DNM3: variants seen among roughly 807,000 people sequenced by gnomAD.
DNM3 encodes the protein dynamin 3, also known as dynamin-3.
A neutral mutation model predicts 101.6 loss-of-function variants in DNM3; 47 were observed. The ratio of observed to expected loss-of-function variants is 0.46; its 90% CI spans 0.37 to 0.59. DNM3 has a LOEUF of 0.59. Ranked by LOEUF, DNM3 falls within the 20% of genes least tolerant of loss-of-function variation. The pLI, the probability that DNM3 is intolerant of heterozygous loss-of-function variation, is 0.00. For synonymous variants in DNM3, 385 were observed against 387.9 expected, an observed-to-expected ratio of 0.99 and a Z score of 0.09; for missense variants, 849 against 1,085.7, an observed-to-expected ratio of 0.78 and a Z score of 3.06.
intron 1 of DNM3, among the ~76,000 whole-genome samples, chr1:171,852,099 A>G (rs1298105147): frequency 6.6e-6 from 1 of 152,220 alleles, no homozygotes; most frequent in Non-Finnish European, 1.5e-5. Context: ...TATTAATTTA[A>G]AAAAGCTGTC....
At chr1:172,401,556 A>G (rs371378240) in intron 20 of DNM3, among the ~76,000 whole-genome samples, 30 of 152,296 alleles carry the variant, frequency 2.0e-4, no homozygotes, top group East Asian at 1.4e-3. Flanking sequence ...TATTTTCCCA[A>G]TGACATACAT....
chr1:171,883,565 G>C, intron 1 of DNM3, among the ~76,000 whole-genome samples: 1 of 151,438 alleles, frequency 6.6e-6, no homozygotes, highest in Non-Finnish European at 1.5e-5. Flanking sequence ...TCCGCCTCCC[G>C]GGTTCAAGTG....
intron 14 of DNM3, among the ~76,000 whole-genome samples, chr1:172,159,355 C>T (rs770469400): frequency 6.6e-6 from 1 of 152,010 alleles, no homozygotes; most frequent in Non-Finnish European, 1.5e-5. Flanking sequence ...GTTTCTGCTA[C>T]AGCAAGTTCA....
At chr1:172,348,421 T>C (rs1243213426) in intron 17 of DNM3, among the ~76,000 whole-genome samples, 2 of 152,146 alleles carry the variant, frequency 1.3e-5, no homozygotes, top group Non-Finnish European at 2.9e-5. Flanking sequence ...CTAGGTCACC[T>C]ACAAAGGAGT....
At chr1:172,122,451 T>G (rs1470495823) in intron 13 of DNM3, among the ~76,000 whole-genome samples, 1 of 152,178 alleles carries the variant, frequency 6.6e-6, no homozygotes, top group Non-Finnish European at 1.5e-5. Flanking sequence ...TGACCCAATG[T>G]CACCCAGGCA....
intron 15 of DNM3, among the ~76,000 whole-genome samples, chr1:172,267,690 A>G (rs2062917812): frequency 6.6e-6 from 1 of 152,016 alleles, no homozygotes; most frequent in African/African-American, 2.4e-5. Context: ...GTTCTAGCAA[A>G]GTATTGACAA....
chr1:171,994,690 GT>G (rs1368811002), intron 4 of DNM3, among the ~76,000 whole-genome samples: 4 of 149,674 alleles, frequency 2.7e-5, no homozygotes, highest in South Asian at 4.2e-4. Flanking sequence ...TTCCTTTTAA[GT>G]TTTTTGGTTA....
chr1:172,201,590 G>A (rs1161535272), intron 14 of DNM3, among the ~76,000 whole-genome samples: 1 of 152,214 alleles, frequency 6.6e-6, no homozygotes, highest in Non-Finnish European at 1.5e-5. Flanking sequence ...GGGACCCATG[G>A]GAGATGGATT....
chr1:171,893,573 C>T (rs2037490251), intron 1 of DNM3, among the ~76,000 whole-genome samples: 1 of 152,020 alleles, frequency 6.6e-6, no homozygotes. Flanking sequence ...TCCACCTCAG[C>T]CTCCCAAATA....
intron 2 of DNM3, among the ~76,000 whole-genome samples, chr1:171,966,454 G>A (rs547828613): frequency 6.6e-6 from 1 of 152,360 alleles, no homozygotes; most frequent in African/African-American, 2.4e-5. Context: ...ATTCTCAGAA[G>A]TGTTAAGGGG....
At chr1:172,154,718 A>G (rs865800879) in intron 14 of DNM3, among the ~76,000 whole-genome samples, 16 of 152,086 alleles carry the variant, frequency 1.1e-4, no homozygotes, top group Admixed American at 9.2e-4. Context: ...GTCTTCTAGT[A>G]TTAGCTATCT....
At chr1:172,155,576 C>G (rs1389437794) in intron 14 of DNM3, among the ~76,000 whole-genome samples, 2 of 152,002 alleles carry the variant, frequency 1.3e-5, no homozygotes, top group Non-Finnish European at 2.9e-5. Flanking sequence ...ACACTCAGAG[C>G]CAAGGGGCTT....
intron 15 of DNM3, among the ~76,000 whole-genome samples, chr1:172,282,529 C>A (rs937353023): frequency 1.3e-5 from 2 of 152,102 alleles, no homozygotes; most frequent in African/African-American, 4.8e-5. Context: ...TCCATCACAT[C>A]ATACTAATTC....
rs182608543 is a variant in DNM3, at chr1:172,285,906, G to A, written c.1770-22822G>A. ...AGAGCTCGCATCTAACTCCCTCTGG[G>A]TGTTTGTGGGATAACATGAATCTGC... On this transcript the variant is annotated intron_variant, in intron 15 of 20. Transcript: ENST00000627582. 1.6e-4 allele frequency among the ~76,000 whole-genome samples: 25 copies of A among 152,168 alleles called. No homozygotes were observed. In the East Asian group the frequency reaches 4.5e-3, roughly 27 times the overall value.
In DNM3 at chr1:171,841,648, T is replaced by A. The variant is rs1258391321; in HGVS notation, c.-9T>A. 7 of 1,607,734 alleles carry A rather than the reference T, an allele frequency of 4.4e-6. No individual in the cohort carries two copies. The highest frequency in any genetic ancestry group is 5.9e-6 in the Non-Finnish European group (7 of 1,177,798). On this transcript the variant is annotated 5_prime_UTR_variant, in exon 1 of 21. Coordinates refer to ENST00000627582, the MANE Select transcript of DNM3 (RefSeq NM_015569.5). The stretch of plus-strand genomic sequence containing the variant: ...CAGGGACCAGCTGGTCGCCGGCCCC[T>A]CGGGCAAGATGGGGAACCGGGAGAT...
At chr1:171,881,922 C>T (rs1011426560) in intron 1 of DNM3, among the ~76,000 whole-genome samples, 1 of 152,120 alleles carries the variant, frequency 6.6e-6, no homozygotes, top group Admixed American at 6.6e-5. Flanking sequence ...CCTAGAATTT[C>T]TTTTAAAATA....
chr1:171,987,576 A>T, intron 2 of DNM3, 80 bp from the exon 3 acceptor site: 1 of 1,374,922 alleles, frequency 7.3e-7, no homozygotes, highest in Non-Finnish European at 9.7e-7. Context: ...GGATACTTTG[A>T]CTTATAATTA....
At chr1:172,198,075 A>G (rs996251311) in intron 14 of DNM3, among the ~76,000 whole-genome samples, 4 of 152,034 alleles carry the variant, frequency 2.6e-5, no homozygotes, top group African/African-American at 4.8e-5. Flanking sequence ...GTTTTGAGGT[A>G]TGTCCTTCAA....
intron 15 of DNM3, among the ~76,000 whole-genome samples, chr1:172,303,754 C>T (rs923613846): frequency 2.0e-5 from 3 of 152,102 alleles, no homozygotes; most frequent in African/African-American, 7.2e-5. Context: ...AATTTTCAAC[C>T]CAGAATTTCA....
Sources: gnomAD v4.1 joint callset for allele counts (sites outside exome capture counted in the v4.1 genomes callset) on GRCh38, gnomAD v4.1.1 for gene constraint, MANE v1.5 for transcripts, NCBI Gene and HGNC (gene_info 2026-07-23, HGNC 2026-07-21) for gene names.